RBM4: variants seen among roughly 807,000 people sequenced by gnomAD.
RBM4 encodes the protein RNA binding motif protein 4, also known as RNA-binding protein 4.
A neutral mutation model predicts 29.5 loss-of-function variants in RBM4; 7 were observed. That is an observed-to-expected ratio of 0.24 (90% CI 0.14 to 0.45). The LOEUF is 0.45. Among genes scored for constraint, RBM4 ranks in the 20% least tolerant of loss-of-function variants. The pLI is 1.00. For missense variants in RBM4, 387 were observed against 502.3 expected, an observed-to-expected ratio of 0.77 and a Z score of 2.19; for synonymous variants, 220 against 205.4, an observed-to-expected ratio of 1.07 and a Z score of -0.61.
At position 66,643,605 on chromosome 11, in the gene RBM4, T is replaced by C; in HGVS notation, c.568T>C (p.Tyr190His). 1 of 1,614,112 alleles carries C rather than the reference T, an allele frequency of 6.2e-7. No individual in the cohort carries two copies. ...SGRVADLTEQ[Y>H]NEQYGAVRTP... ...CCGCGTGGCAGACTTGACCGAGCAA[T>C]ATAATGAGCAATACGGAGCAGTGCG... Residue 190 changes from tyrosine (Y) to histidine (H), a missense_variant, in exon 3 of 4, where the codon TAT becomes CAT. Tyr to His is a moderately conservative substitution (Grantham distance 83). This residue lies in a region of RBM4 where 281 missense variants were observed against 288.7 expected (regional missense o/e 0.97). Coordinates refer to ENST00000310092, the MANE Select transcript of RBM4 (RefSeq NM_002896.4). The surrounding 1 kb of genome is among the most constrained non-coding windows in gnomAD (Gnocchi z 6.1).
chr11:66,660,397 G>A lies in RBM4; in HGVS notation c.413-5459G>A, dbSNP rs553164176. Among the ~76,000 whole-genome samples the A allele has an allele frequency of 1.5e-4, 23 of 148,960 alleles. No individual in the cohort carries two copies. In the South Asian group the frequency reaches 4.9e-3, roughly 32 times the overall value. On this transcript the variant is annotated intron_variant, in intron 2 of 2. Coordinates refer to the RBM4 transcript ENST00000396053. The stretch of plus-strand genomic sequence containing the variant: ...AGACAGAGTCTTGCTCTGCAACCAG[G>A]CTGGAGTGCAGTGGCACGATCTTGG...
In RBM4 at chr11:66,638,717, C is replaced by G. The variant is rs1483175668; in HGVS notation, c.-48C>G. The G allele has an allele frequency of 6.5e-6, 1 of 153,412 alleles. No homozygotes were observed. Among genetic ancestry groups the G allele is most frequent in the Non-Finnish European group, 1.5e-5 (1 of 68,394 alleles). The allele number at this position is 153,412 out of a possible 1,614,324, so 9.5% of individuals were successfully genotyped here. A position where few individuals can be genotyped will look rare whatever the true frequency, so the allele number is the denominator to read the frequency against. ...TTTAGCGTTTTGTCAGAAGCGTCCGCGCCGCGAGGAGGAGGCCCTGCTGGT... is the reference window on the plus strand; with the variant it reads ...TTTAGCGTTTTGTCAGAAGCGTCCGGGCCGCGAGGAGGAGGCCCTGCTGGT... On this transcript the variant is annotated 5_prime_UTR_variant, in exon 1 of 4. Transcript: ENST00000310092.
intron 2 of RBM4, among the ~76,000 whole-genome samples, chr11:66,663,748 T>C (rs976488278): frequency 7.9e-5 from 12 of 151,946 alleles, no homozygotes; most frequent in African/African-American, 2.9e-4. Flanking sequence ...TTTCTTTTTG[T>C]TTTGTAAATA....
At chr11:66,639,596 TGA>T in intron 1 of RBM4, 102 bp from the exon 2 acceptor site, 3 of 1,400,944 alleles carry the variant, frequency 2.1e-6, no homozygotes, top group Non-Finnish European at 1.9e-6. Flanking sequence ...TGCAGGCGTG[TGA>T]GAGAGAAAAC....
intron 2 of RBM4, among the ~76,000 whole-genome samples, chr11:66,659,755 C>T (rs1939039293): frequency 6.6e-6 from 1 of 152,154 alleles, no homozygotes; most frequent in Admixed American, 6.6e-5. Flanking sequence ...GTTTATATCA[C>T]ATGTTGCCTC....
chr11:66,644,428 G>A (rs987244539), intron 3 of RBM4: 1 of 349,248 alleles, frequency 2.9e-6, no homozygotes, highest in Non-Finnish European at 5.0e-6. Context: ...GGTCACCTAT[G>A]TACTATACTA....
chr11:66,649,746 C>T, downstream of RBM4: 1 of 701,966 alleles, frequency 1.4e-6, no homozygotes. Flanking sequence ...ACATCCAGCT[C>T]TGTCACCCAA....
At chr11:66,665,610 C>G in intron 2 of RBM4, 2 of 1,535,880 alleles carry the variant, frequency 1.3e-6, no homozygotes, top group Non-Finnish European at 1.7e-6. Flanking sequence ...GAGGCTTACA[C>G]AATGCCTGGA....
chr11:66,643,816 T>A lies in RBM4; in HGVS notation c.779T>A (p.Met260Lys), dbSNP rs746641528. Residue 260 changes from methionine to lysine, a missense_variant, in exon 3 of 4, where the codon ATG becomes AAG. Physicochemically the swap from Met to Lys is moderately conservative, Grantham distance 95. Transcript: ENST00000310092. This position sits in a 1 kb window ranked among gnomAD's most constrained non-coding sequence, Gnocchi z 6.1. ...SQLPQVQNTAMASHLTSTSLD... is the reference protein window; with the variant it reads ...SQLPQVQNTAKASHLTSTSLD... ...CTGCCACAAGTCCAGAATACAGCCA[T>A]GGCCAGTCACCTCACCTCCACCTCT... 2 of 1,613,992 alleles carry A rather than the reference T, an allele frequency of 1.2e-6. No homozygotes were observed. The highest frequency in any genetic ancestry group is 1.7e-6 in the Non-Finnish European group (2 of 1,179,966).
In RBM4 at chr11:66,640,039, G is replaced by A. The variant is rs1312846544; in HGVS notation, c.328G>A (p.Val110Met). The change falls in exon 2 of 4, where the codon GTG (valine) becomes ATG (methionine). Residue 110 changes from valine to methionine, a missense_variant. By Grantham distance (21) the Val-to-Met change is conservative. Transcript: ENST00000310092. The stretch of plus-strand genomic sequence containing the variant: ...TGGTCCGGTCATCGAATGTGACATC[G>A]TGAAAGATTATGCCTTCGTACACAT... ...EYGPVIECDI[V>M]KDYAFVHMER... The A allele has an allele frequency of 6.2e-7, 1 of 1,614,188 alleles. No individual in the cohort carries two copies. Among genetic ancestry groups the A allele is most frequent in the Non-Finnish European group, 8.5e-7 (1 of 1,180,034 alleles).
chr11:66,665,357 A>G (rs1390607567), intron 2 of RBM4: 1 of 587,304 alleles, frequency 1.7e-6, no homozygotes, highest in East Asian at 2.9e-5. Flanking sequence ...AGGGCTGCTC[A>G]GAGGCTGAGA....
At chr11:66,648,303 T>TCA (rs2135075802), downstream of RBM4, among the ~76,000 whole-genome samples, 1 of 151,720 alleles carries the variant, frequency 6.6e-6, no homozygotes, top group Non-Finnish European at 1.5e-5. Flanking sequence ...AGCAGGTTGT[T>TCA]TGAGCTCAGG....
In RBM4 at chr11:66,658,676, C is replaced by G. The variant is rs1198011873; in HGVS notation, c.413-7180C>G. 3.3e-5 allele frequency among the ~76,000 whole-genome samples: 5 copies of G among 152,136 alleles called. No individual in the cohort carries two copies. In the East Asian group the frequency reaches 9.7e-4, roughly 29 times the overall value. ...TATAAGCCAGGCGCAGTGGCTCACG[C>G]CTGTAATCCCAGCACTTTGGGAGGC... On this transcript the variant is annotated intron_variant, in intron 2 of 2. Coordinates refer to the RBM4 transcript ENST00000396053.
At chr11:66,662,069 T>C (rs1204830474) in intron 2 of RBM4, among the ~76,000 whole-genome samples, 2 of 152,206 alleles carry the variant, frequency 1.3e-5, no homozygotes, top group African/African-American at 2.4e-5. Flanking sequence ...ACAGTACTCT[T>C]TTGGTGTGAA....
chr11:66,644,044 C>G lies in RBM4; in HGVS notation c.1007C>G (p.Ala336Gly). ...GGGCATGAGAGTGAGTTGTCCCAAG[C>G]TTCAGCAGCCGCGCGGAATTCTCTG... is the stretch of plus-strand genomic sequence containing the variant. Reference protein sequence around the residue: ...GYGHESELSQASAAARNSLYD... With the variant: ...GYGHESELSQGSAAARNSLYD... Residue 336 changes from alanine (A) to glycine (G), a missense_variant, in exon 3 of 4, where the codon GCT becomes GGT. Ala to Gly is a moderately conservative substitution (Grantham distance 60, BLOSUM62 0). Around this residue, in one of 2 missense-constraint regions of RBM4, gnomAD observed 281 missense variants for 288.7 expected, o/e 0.97. Coordinates refer to ENST00000310092, the MANE Select transcript of RBM4 (RefSeq NM_002896.4). 6.2e-7 allele frequency: 1 copy of G among 1,614,008 alleles called. No individual in the cohort carries two copies. The highest frequency in any genetic ancestry group is 8.5e-7 in the Non-Finnish European group (1 of 1,180,032).
exon 3 of RBM4, chr11:66,665,924 T>C: frequency 2.0e-6 from 3 of 1,535,464 alleles, no homozygotes; most frequent in Non-Finnish European, 2.6e-6. Context: ...TTTCAAGAAC[T>C]GCAATTTAAT....
At chr11:66,641,644 T>C (rs1938468858) in intron 2 of RBM4, among the ~76,000 whole-genome samples, 2 of 152,178 alleles carry the variant, frequency 1.3e-5, no homozygotes, top group Non-Finnish European at 2.9e-5. Context: ...GGACAAATTA[T>C]CCTTATATAA....
At position 66,646,331 on chromosome 11, in the gene RBM4, C is replaced by T. The variant is rs1938691140; in HGVS notation, c.*313C>T. 2.4e-6 allele frequency: 3 copies of T among 1,275,388 alleles called. No individual in the cohort carries two copies. The highest frequency in any genetic ancestry group is 3.0e-5 in the African/African-American group (2 of 66,738). 79.0% of individuals were successfully genotyped at this position (1,275,388 alleles called of 1,614,324 possible). ...TGTGCTGTCTCCTCCCTGCCTCCTG[C>T]CTCCTGCGGCTGTTGGATTTGGGAA... On this transcript the variant is annotated 3_prime_UTR_variant, in exon 4 of 4. Transcript: ENST00000310092.
intron 2 of RBM4, among the ~76,000 whole-genome samples, chr11:66,656,876 G>T (rs1421193016): frequency 2.6e-5 from 4 of 152,090 alleles, no homozygotes; most frequent in African/African-American, 7.2e-5. Context: ...GGCCAGGCTG[G>T]TCTTGAACTC....
Sources: allele counts gnomAD v4.1 joint callset (sites outside exome capture counted in the v4.1 genomes callset), GRCh38; gene constraint gnomAD v4.1.1; regional missense constraint gnomAD v4.1.1; non-coding constraint Gnocchi (gnomAD v3.1); transcripts MANE v1.5; gene names NCBI Gene and HGNC (gene_info 2026-07-23, HGNC 2026-07-21).